Variants in HS2ST1 observed in about 807,000 individuals in gnomAD.
The protein encoded by HS2ST1 is heparan sulfate 2-O-sulfotransferase 1.
A neutral mutation model predicts 42.9 loss-of-function variants in HS2ST1; 18 were observed. The observed-to-expected ratio is 0.42, with a 90% confidence interval of 0.29 to 0.62. The LOEUF is 0.62. HS2ST1 is among the 20% of genes least tolerant of loss of function. The pLI is 0.21. For missense variants in HS2ST1, 334 were observed against 433.8 expected (o/e 0.77, Z 2.04); for synonymous variants, 146 against 152.9 (o/e 0.95, Z 0.33).
intron 2 of HS2ST1, among the ~76,000 whole-genome samples, chr1:87,078,856 T>G (rs1651611434): frequency 6.6e-6 from 1 of 152,022 alleles, no homozygotes; most frequent in Admixed American, 6.6e-5. Flanking sequence ...AAGCAAGTGG[T>G]GCAGGGAGGT....
At chr1:87,094,212 G>A (rs1018731675) in intron 4 of HS2ST1, among the ~76,000 whole-genome samples, 2 of 151,852 alleles carry the variant, frequency 1.3e-5, no homozygotes, top group Admixed American at 6.6e-5. Flanking sequence ...TATTAGCGTC[G>A]GTGTTGGAAA....
At chr1:87,056,849 T>G (rs907826982) in intron 1 of HS2ST1, among the ~76,000 whole-genome samples, 24 of 152,200 alleles carry the variant, frequency 1.6e-4, no homozygotes, top group African/African-American at 5.8e-4. Context: ...ATAGTGTATA[T>G]TCATTAATAT....
At chr1:87,046,118 G>A (rs1017564374) in intron 1 of HS2ST1, 6 of 685,472 alleles carry the variant, frequency 8.8e-6, no homozygotes, top group African/African-American at 1.8e-5. Context: ...AGTTTATATT[G>A]GTTATGAATG....
At chr1:87,071,598 G>T (rs550791397) in intron 1 of HS2ST1, among the ~76,000 whole-genome samples, 1 of 151,840 alleles carries the variant, frequency 6.6e-6, no homozygotes, top group South Asian at 2.1e-4. Context: ...GTGTGGTGGC[G>T]GGTGCCTGTA....
chr1:86,947,934 G>A (rs1647387696), intron 1 of HS2ST1, among the ~76,000 whole-genome samples: 1 of 152,054 alleles, frequency 6.6e-6, no homozygotes, highest in Non-Finnish European at 1.5e-5. Flanking sequence ...TCAGAAGAGA[G>A]AAACAATGTA....
At chr1:87,052,260 AT>A (rs145313341) in intron 1 of HS2ST1, among the ~76,000 whole-genome samples, 13 of 151,744 alleles carry the variant, frequency 8.6e-5, no homozygotes, top group East Asian at 1.9e-4. Context: ...CTCAAAAAAA[AT>A]TTTTTTTTAA....
Position 87,035,131 on chromosome 1 carries a change from G to A in HS2ST1, c.125-37803G>A, listed in dbSNP as rs527427651. Reference sequence around the variant, plus strand: ...GAGCTAGAAAAGGATTTTAGGGAATGTATTTTCTTCTAGATCCTCCAGAAG... The same window carrying A: ...GAGCTAGAAAAGGATTTTAGGGAATATATTTTCTTCTAGATCCTCCAGAAG... On this transcript the variant is annotated intron_variant, in intron 1 of 6. Coordinates refer to ENST00000370550, the MANE Select transcript of HS2ST1 (RefSeq NM_012262.4). Among the ~76,000 whole-genome samples the A allele has an allele frequency of 3.3e-5, 5 of 152,286 alleles. No homozygotes were observed. In the South Asian group the frequency reaches 1.0e-3, roughly 32 times the overall value.
intron 1 of HS2ST1, among the ~76,000 whole-genome samples, chr1:86,937,429 T>C (rs1188359853): frequency 6.6e-6 from 1 of 152,224 alleles, no homozygotes; most frequent in African/African-American, 2.4e-5. Context: ...ACATCAAATA[T>C]TAACTTTTCT....
chr1:86,938,934 G>T (rs182362645), intron 1 of HS2ST1, among the ~76,000 whole-genome samples: 87 of 152,232 alleles, frequency 5.7e-4, no homozygotes, highest in African/African-American at 2.0e-3. Flanking sequence ...AACTTTAAGG[G>T]ACAGACTAGA....
At chr1:87,055,553 A>G (rs1176202536) in intron 1 of HS2ST1, among the ~76,000 whole-genome samples, 2 of 152,176 alleles carry the variant, frequency 1.3e-5, no homozygotes, top group Non-Finnish European at 2.9e-5. Context: ...GCATTGTAGA[A>G]GTCCCGCGTG....
At chr1:86,953,198 A>G (rs1179454362) in intron 1 of HS2ST1, among the ~76,000 whole-genome samples, 1 of 152,166 alleles carries the variant, frequency 6.6e-6, no homozygotes, top group Admixed American at 6.5e-5. Flanking sequence ...CACTTCTCTC[A>G]GCCTTCTTGG....
At chr1:87,072,788 A>G (rs1349555796) in intron 1 of HS2ST1, 146 bp from the exon 2 acceptor site, 2 of 630,442 alleles carry the variant, frequency 3.2e-6, no homozygotes, top group Non-Finnish European at 5.6e-6. Flanking sequence ...CAAGCAATTT[A>G]CCCATGTTTT....
intron 1 of HS2ST1, among the ~76,000 whole-genome samples, chr1:87,047,525 G>C (rs935545259): frequency 6.6e-6 from 1 of 151,908 alleles, no homozygotes; most frequent in Non-Finnish European, 1.5e-5. Context: ...TCTTCTATAA[G>C]TTTTATAATT....
At chr1:87,061,818 T>G (rs1443950414) in intron 1 of HS2ST1, among the ~76,000 whole-genome samples, 2 of 152,292 alleles carry the variant, frequency 1.3e-5, no homozygotes, top group East Asian at 3.9e-4. Context: ...GCCAAACTGT[T>G]TTTCATCATG....
At chr1:86,964,381 A>G (rs557304963) in intron 1 of HS2ST1, among the ~76,000 whole-genome samples, 141 of 152,358 alleles carry the variant, frequency 9.3e-4, no homozygotes, top group Non-Finnish European at 1.6e-3. Flanking sequence ...TCTGTCTGCA[A>G]TCCCGGCACC....
At chr1:86,986,578 T>C (rs1307018809) in intron 1 of HS2ST1, among the ~76,000 whole-genome samples, 1 of 152,230 alleles carries the variant, frequency 6.6e-6, no homozygotes, top group Non-Finnish European at 1.5e-5. Context: ...TTGGATTATC[T>C]ACATTGCCCA....
chr1:87,013,329 C>T (rs1271687475), intron 1 of HS2ST1, among the ~76,000 whole-genome samples: 2 of 152,254 alleles, frequency 1.3e-5, no homozygotes, highest in East Asian at 1.9e-4. Flanking sequence ...TGTGCACCCA[C>T]AGGCCCAACA....
intron 1 of HS2ST1, among the ~76,000 whole-genome samples, chr1:86,964,053 G>C (rs1347339330): frequency 6.6e-6 from 1 of 151,856 alleles, no homozygotes; most frequent in Admixed American, 6.6e-5. Context: ...CGGCCGGGCA[G>C]AGGCGCTCCT....
intron 1 of HS2ST1, among the ~76,000 whole-genome samples, chr1:87,053,341 A>G (rs61773085): frequency 0.14 from 20,744 of 152,198 alleles, 1,499 homozygotes; most frequent in African/African-American, 0.18. Context: ...TAATGGCAGT[A>G]TGGACTTGTG....
Sources: allele counts gnomAD v4.1 joint callset (sites outside exome capture counted in the v4.1 genomes callset), GRCh38; gene constraint gnomAD v4.1.1; transcripts MANE v1.5; gene names NCBI Gene and HGNC (gene_info 2026-07-23, HGNC 2026-07-21).